TTC22: variants seen among roughly 807,000 people sequenced by gnomAD.
The protein encoded by TTC22 is tetratricopeptide repeat protein 22.
TTC22 carries 42 observed loss-of-function variants against 48.2 expected under a neutral mutation model. The observed-to-expected ratio is 0.87, with a 90% confidence interval of 0.68 to 1.13. TTC22 has a LOEUF of 1.13. Ranked by LOEUF, TTC22 falls within the 50% of genes most tolerant of loss-of-function variation. The pLI, the probability that TTC22 is intolerant of heterozygous loss-of-function variation, is 0.00. For synonymous variants in TTC22, 345 were observed against 365.5 expected (o/e 0.94, Z 0.64); for missense variants, 784 against 807.0 (o/e 0.97, Z 0.34).
intron 5 of TTC22, chr1:54,784,490 A>G: frequency 1.0e-6 from 1 of 971,234 alleles, no homozygotes; most frequent in Non-Finnish European, 1.2e-6. Context: ...TGTAGGATGG[A>G]CATGTCCGGC....
rs894249978 is a variant in TTC22 at position 54,780,913 on chromosome 1, T to C, written c.*330A>G. 26 of 219,636 alleles carry C rather than the reference T, an allele frequency of 1.2e-4. No homozygotes were observed. The highest frequency in any genetic ancestry group is 5.5e-4 in the African/African-American group (24 of 43,658). The allele number at this position is 219,636 out of a possible 1,614,324, so 13.6% of individuals were successfully genotyped here. A position where few individuals can be genotyped will look rare whatever the true frequency, so the allele number is the denominator to read the frequency against. On this transcript the variant is annotated 3_prime_UTR_variant, in exon 7 of 7. Transcript: ENST00000371276. ...GGACTAGAAAACTGCCACACTGAGG[T>C]AGCTGTCTTCTGTTTCTCTCAGAAG... is the stretch of plus-strand genomic sequence containing the variant.
In TTC22 at chr1:54,795,600, CT is replaced by C. The variant is rs1213463427; in HGVS notation, c.567+4996del. 7.9e-5 allele frequency among the ~76,000 whole-genome samples: 12 copies of C among 152,318 alleles called. No individual in the cohort carries two copies. The South Asian group carries it at 2.5e-3, about 32-fold the overall frequency. ...TAGCTGAGTGGGTCTGCAGAAGTCT[CT>C]TACCCTCTGCAGTAACAACAGTGAT... is the stretch of plus-strand genomic sequence containing the variant. On this transcript the variant is annotated intron_variant, in intron 1 of 6. Coordinates refer to ENST00000371276, the MANE Select transcript of TTC22 (RefSeq NM_001114108.2).
At chr1:54,791,720 GT>G (rs1263954128) in intron 1 of TTC22, among the ~76,000 whole-genome samples, 1 of 152,044 alleles carries the variant, frequency 6.6e-6, no homozygotes, top group Non-Finnish European at 1.5e-5. Flanking sequence ...GCCTCCACAG[GT>G]CCCCAGTGTT....
chr1:54,792,280 C>T (rs1037548986), intron 1 of TTC22, among the ~76,000 whole-genome samples: 5 of 152,192 alleles, frequency 3.3e-5, no homozygotes, highest in African/African-American at 4.8e-5. Flanking sequence ...TGTGGGGTTG[C>T]AGATGGGGTC....
At position 54,800,840 on chromosome 1, in the gene TTC22, G is replaced by A. The variant is rs1403048649; in HGVS notation, c.324C>T (p.His108=). ...CTTCCTGGCCCAGCCGCCCGTACAC[G>A]TGTGCCAGATTGGCCCAGGCATTGA... The part of the protein sequence containing the change: ...GNLNAWANLA[H]VYGRLGQEEE... The change falls in exon 1 of 7, where the codon CAC becomes CAT. Residue 108 remains histidine, a synonymous_variant. Coordinates refer to ENST00000371276, the MANE Select transcript of TTC22 (RefSeq NM_001114108.2). The A allele has an allele frequency of 1.9e-6, 3 of 1,607,838 alleles. No individual in the cohort carries two copies. Among genetic ancestry groups the A allele is most frequent in the African/African-American group, 2.7e-5 (2 of 74,850 alleles).
intron 4 of TTC22, chr1:54,786,487 C>G (rs1232796053): frequency 3.6e-6 from 1 of 277,622 alleles, no homozygotes; most frequent in Non-Finnish European, 6.8e-6. Context: ...AGAGGCAACC[C>G]CCATCCCCCA....
chr1:54,787,834 C>G lies in TTC22; in HGVS notation c.624-8G>C, dbSNP rs202136331. 6.2e-7 allele frequency: 1 copy of G among 1,600,468 alleles called. No individual in the cohort carries two copies. Among genetic ancestry groups the G allele is most frequent in the East Asian group, 2.3e-5 (1 of 44,104 alleles). The stretch of plus-strand genomic sequence containing the variant: ...AGGAAGATGCCATCTAGCCTGTGGC[C>G]GAGAAGGAGATGTGGTTGGGTGGCA... On this transcript the variant is annotated splice_polypyrimidine_tract_variant and splice_region_variant and intron_variant, in intron 2 of 6. Transcript: ENST00000371276.
rs541912991 is a variant in TTC22 at position 54,801,293 on chromosome 1, G to A, written c.-130C>T. On this transcript the variant is annotated 5_prime_UTR_variant, in exon 1 of 7. Coordinates refer to ENST00000371276, the MANE Select transcript of TTC22 (RefSeq NM_001114108.2). Reference sequence around the variant, plus strand: ...GCCGGCAGAGGCCCCGGGCGCTGCGGCCTCTCGGTCTCAGGGCGCCTCCCG... The same window carrying A: ...GCCGGCAGAGGCCCCGGGCGCTGCGACCTCTCGGTCTCAGGGCGCCTCCCG... The A allele has an allele frequency of 6.2e-6, 6 of 965,632 alleles. No individual in the cohort carries two copies. The highest frequency in any genetic ancestry group is 9.1e-6 in the Non-Finnish European group (6 of 655,764). 59.8% of individuals were successfully genotyped at this position (965,632 alleles called of 1,614,324 possible). A position where few individuals can be genotyped will look rare whatever the true frequency, so the allele number is the denominator to read the frequency against.
chr1:54,783,261 G>T (rs905965513), intron 5 of TTC22, among the ~76,000 whole-genome samples: 14 of 152,182 alleles, frequency 9.2e-5, no homozygotes, highest in African/African-American at 3.4e-4. Flanking sequence ...TGAATCTCTG[G>T]CTTTCGGGTC....
intron 2 of TTC22, 23 bp from the exon 3 acceptor site, chr1:54,787,849 G>A: frequency 1.3e-6 from 2 of 1,582,298 alleles, no homozygotes; most frequent in Non-Finnish European, 8.6e-7. Context: ...AGGAGATGTG[G>A]TTGGGTGGCA....
chr1:54,800,722 G>A lies in TTC22; in HGVS notation c.442C>T (p.Arg148Cys). Residue 148 changes from arginine to cysteine, a missense_variant, in exon 1 of 7, where the codon CGC becomes TGC. Arg to Cys is a radical substitution (Grantham distance 180). Transcript: ENST00000371276. ...GCGTAGCCCTGCTCGGCCAGGCAGC[G>A]AGCGGCGCGGAGCTGGGGGTCCCCG... ...AAGDPQLRAA[R>C]CLAEQGYAHG... is the part of the protein sequence containing the mutation. The A allele has an allele frequency of 6.5e-7, 1 of 1,542,200 alleles. No homozygotes were observed. Among genetic ancestry groups the A allele is most frequent in the Non-Finnish European group, 8.7e-7 (1 of 1,149,606 alleles).
chr1:54,793,487 A>G (rs1265662852), intron 1 of TTC22, among the ~76,000 whole-genome samples: 1 of 152,174 alleles, frequency 6.6e-6, no homozygotes, highest in East Asian at 1.9e-4. Context: ...TCTAGCTGCA[A>G]GGAGCTAGTG....
At chr1:54,796,608 G>A (rs1172041611) in intron 1 of TTC22, among the ~76,000 whole-genome samples, 1 of 152,262 alleles carries the variant, frequency 6.6e-6, no homozygotes, top group Non-Finnish European at 1.5e-5. Context: ...TGGTGTGTAT[G>A]TGACTGCATG....
intron 1 of TTC22, among the ~76,000 whole-genome samples, chr1:54,794,370 C>G (rs1646374845): frequency 6.6e-6 from 1 of 152,298 alleles, no homozygotes; most frequent in Admixed American, 6.5e-5. Context: ...ATCCCATTTA[C>G]TTCAAAAGAT....
chr1:54,787,751 T>C lies in TTC22; in HGVS notation c.699A>G (p.Leu233=), dbSNP rs1387423564. The C allele has an allele frequency of 1.9e-6, 3 of 1,613,348 alleles. No homozygotes were observed. The highest frequency in any genetic ancestry group is 2.7e-5 in the African/African-American group (2 of 74,852). The change falls in exon 3 of 7, where the codon CTA becomes CTG. Residue 233 remains leucine (L), a synonymous_variant. Transcript: ENST00000371276. ...CCTCGGACTTCAGCACTTGCCGGAG[T>C]AGGGCCAGCGTGCGGTTGAAGGCAG... ...RLPAFNRTLA[L]LRQVLKSEDP... is the part of the protein sequence containing the mutation.
intron 1 of TTC22, among the ~76,000 whole-genome samples, chr1:54,792,241 C>T (rs888505660): frequency 2.0e-5 from 3 of 152,298 alleles, no homozygotes; most frequent in African/African-American, 4.8e-5. Context: ...CATCAGATCC[C>T]GCTTGAGAGC....
chr1:54,787,228 G>T (rs903020838), intron 3 of TTC22, 153 bp from the exon 4 acceptor site: 13 of 549,732 alleles, frequency 2.4e-5, no homozygotes, highest in African/African-American at 5.8e-5. Flanking sequence ...AGAAGCAAAG[G>T]TGGAGAGAGG....
chr1:54,786,350 ACTCCT>A, intron 4 of TTC22: 1 of 496,116 alleles, frequency 2.0e-6, no homozygotes, highest in East Asian at 3.7e-5. Flanking sequence ...TTGGCACTCA[ACTCCT>A]GAGAGCCTGG....
At chr1:54,788,854 C>T (rs1467460888) in intron 1 of TTC22, among the ~76,000 whole-genome samples, 1 of 152,126 alleles carries the variant, frequency 6.6e-6, no homozygotes, top group African/African-American at 2.4e-5. Flanking sequence ...CATTTGTGAG[C>T]ACCTATGGCA....
Sources: gnomAD v4.1 joint callset for allele counts (sites outside exome capture counted in the v4.1 genomes callset) on GRCh38, gnomAD v4.1.1 for gene constraint, MANE v1.5 for transcripts, NCBI Gene and HGNC (gene_info 2026-07-23, HGNC 2026-07-21) for gene names.